The following KRABD2 variants were observed in gnomAD, a reference collection of about 807,000 sequenced individuals.
The protein encoded by KRABD2 is KRAB domain-containing protein 2.
the KRABD2 span, among the ~76,000 whole-genome samples, chr17:8,365,105 C>T: frequency 1.3e-5 from 2 of 152,110 alleles, no homozygotes; most frequent in East Asian, 3.8e-4. Context: ...TGTGGCACAC[C>T]GGTTAGTGAC....
the KRABD2 span, chr17:8,376,454 A>T: frequency 9.7e-7 from 1 of 1,028,256 alleles, no homozygotes; most frequent in Non-Finnish European, 1.2e-6. Context: ...CCACACGGGC[A>T]CGCCCGCTTA....
At chr17:8,371,427 C>A in the KRABD2 span, 3 of 1,614,170 alleles carry the variant, frequency 1.9e-6, no homozygotes, top group Non-Finnish European at 2.5e-6. Flanking sequence ...CTTCCTGAAA[C>A]AACATTGGCT....
At chr17:8,369,023 C>T in the KRABD2 span, 2 of 1,467,476 alleles carry the variant, frequency 1.4e-6, no homozygotes, top group Admixed American at 2.6e-5. Flanking sequence ...CCATGTACAA[C>T]TTGACCTGAG....
the KRABD2 span, among the ~76,000 whole-genome samples, chr17:8,363,826 CATACATATAT>C: frequency 6.3e-3 from 339 of 54,154 alleles, 8 homozygotes; most frequent in African/African-American, 0.037. Context: ...ATATATATAT[CATACATATAT>C]ATATATATAT....
At chr17:8,374,617 T>C in the KRABD2 span, among the ~76,000 whole-genome samples, 1 of 86,894 alleles carries the variant, frequency 1.2e-5, no homozygotes, top group African/African-American at 5.0e-5. Flanking sequence ...CCAAGAATGA[T>C]CAATAAATAC....
chr17:8,371,673 C>A, the KRABD2 span: 2 of 1,405,134 alleles, frequency 1.4e-6, no homozygotes, highest in Middle Eastern at 5.1e-4. Context: ...GTTGGTCTGG[C>A]CAGTTTTGAC....
At chr17:8,359,394 T>A in the KRABD2 span, 1 of 358,166 alleles carries the variant, frequency 2.8e-6, no homozygotes, top group Non-Finnish European at 5.5e-6. Context: ...CTGCAAATGG[T>A]CCTTGGAAAC....
At chr17:8,369,876 T>C in the KRABD2 span, 15 of 1,614,200 alleles carry the variant, frequency 9.3e-6, no homozygotes, top group Admixed American at 2.2e-4. Context: ...AAGGCCTCTC[T>C]TGGGTACTGG....
the KRABD2 span, among the ~76,000 whole-genome samples, chr17:8,367,931 TAAAAAAAAAAAAAAAAAGTTAAGAGCA>T: frequency 8.6e-3 from 377 of 43,970 alleles, 1 homozygote; most frequent in Middle Eastern, 0.028. Flanking sequence ...AATGATCAAT[TAAAAAAAAAAAAAAAAAGTTAAGAGCA>T]AAAAAAAAAA....
the KRABD2 span, chr17:8,370,447 T>C: frequency 1.2e-5 from 13 of 1,098,974 alleles, no homozygotes; most frequent in Admixed American, 2.6e-5. Flanking sequence ...TGGAAGACTT[T>C]CCCTCTAAAG....
chr17:8,376,424 G>A, the KRABD2 span: 7 of 1,071,858 alleles, frequency 6.5e-6, no homozygotes, highest in South Asian at 2.3e-4. Flanking sequence ...ACTTAATACA[G>A]TGTCCCCTCA....
At chr17:8,374,176 G>C in the KRABD2 span, among the ~76,000 whole-genome samples, 2 of 152,174 alleles carry the variant, frequency 1.3e-5, no homozygotes, top group Admixed American at 1.3e-4. Context: ...CGGTTGTGTC[G>C]AATAGAAAAG....
the KRABD2 span, chr17:8,370,187 A>T: frequency 1.2e-6 from 2 of 1,612,764 alleles, no homozygotes; most frequent in Non-Finnish European, 1.7e-6. Flanking sequence ...TAGCTTCTTT[A>T]ACTTCCTTTA....
chr17:8,368,932 G>A, the KRABD2 span: 26 of 893,016 alleles, frequency 2.9e-5, 1 homozygote, highest in African/African-American at 3.1e-4. Context: ...CGCTGCGCCC[G>A]GCCAGGTTGT....
At chr17:8,375,377 A>G in the KRABD2 span, among the ~76,000 whole-genome samples, 1 of 152,240 alleles carries the variant, frequency 6.6e-6, no homozygotes, top group East Asian at 1.9e-4. Context: ...CCTGGCAATA[A>G]CTGGCTGTGA....
the KRABD2 span, chr17:8,369,181 A>C: frequency 6.2e-7 from 1 of 1,614,064 alleles, no homozygotes; most frequent in Non-Finnish European, 8.5e-7. Context: ...CTGGGTTCTG[A>C]AGCTTCAGGA....
the KRABD2 span, among the ~76,000 whole-genome samples, chr17:8,363,830 C>CATACATATATATATATATATATATAT: frequency 1.1e-5 from 1 of 87,014 alleles, no homozygotes; most frequent in African/African-American, 5.4e-5. Context: ...ATATATCATA[C>CATACATATATATATATATATATATAT]ATATATATAT....
At chr17:8,359,897 G>A in the KRABD2 span, 5 of 453,736 alleles carry the variant, frequency 1.1e-5, no homozygotes, top group African/African-American at 2.0e-5. Flanking sequence ...AAACAAGAGG[G>A]GATGTCATTC....
chr17:8,375,878 C>T, the KRABD2 span: 5 of 1,226,070 alleles, frequency 4.1e-6, no homozygotes, highest in Non-Finnish European at 5.1e-6. Context: ...TTTCCAAAGC[C>T]ATGTTTACTC....
Sources: gnomAD v4.1 joint callset for allele counts (sites outside exome capture counted in the v4.1 genomes callset) on GRCh38, gnomAD v4.1.1 for gene constraint, MANE v1.5 for transcripts, NCBI Gene and HGNC (gene_info 2026-07-23, HGNC 2026-07-21) for gene names.